The following CRPPA variants were observed in gnomAD, a reference collection of about 807,000 sequenced individuals.
The protein encoded by CRPPA is D-ribitol-5-phosphate cytidylyltransferase.
A neutral mutation model predicts 52.0 loss-of-function variants in CRPPA; 43 were observed. That is an observed-to-expected ratio of 0.83 (90% CI 0.65 to 1.07). The LOEUF (loss-of-function observed/expected upper bound fraction) is 1.07. CRPPA is among the 50% of genes least tolerant of loss of function. The probability of loss-of-function intolerance (pLI) is 0.00; values close to 1 mark genes in which losing one functional copy is unlikely to be tolerated. For missense variants in CRPPA, 629 were observed against 551.7 expected (o/e 1.14, Z -1.40); for synonymous variants, 250 against 203.5 (o/e 1.23, Z -1.94).
At chr7:16,375,950 C>A (rs1786868627) in intron 3 of CRPPA, 142 bp downstream of exon 3, 5 of 786,208 alleles carry the variant, frequency 6.4e-6, no homozygotes, top group South Asian at 4.3e-5. Flanking sequence ...AGCTCTATAA[C>A]CTTAATACTT....
intron 9 of CRPPA, among the ~76,000 whole-genome samples, chr7:16,200,556 A>G (rs1313478454): frequency 6.6e-6 from 1 of 152,224 alleles, no homozygotes; most frequent in African/African-American, 2.4e-5. Flanking sequence ...AATTAAAAAT[A>G]TATGTTGCTG....
rs1009533707 is a variant in CRPPA at position 16,089,182 on chromosome 7, A to G, written c.*2513T>C. ...TAAAAATACATATATACGTACGTAT[A>G]TACATATATGTGTGTATATACGTAC... On this transcript the variant is annotated 3_prime_UTR_variant, in exon 10 of 10. Coordinates refer to ENST00000407010, the MANE Select transcript of CRPPA (RefSeq NM_001101426.4). 3 of 321,200 alleles carry G rather than the reference A, an allele frequency of 9.3e-6. No homozygotes were observed. The highest frequency in any genetic ancestry group is 2.1e-5 in the Non-Finnish European group (3 of 141,180). The allele number at this position is 321,200 out of a possible 1,614,324, so 19.9% of individuals were successfully genotyped here.
chr7:16,296,563 T>G (rs889642559), intron 5 of CRPPA, among the ~76,000 whole-genome samples: 1 of 151,874 alleles, frequency 6.6e-6, no homozygotes, highest in Non-Finnish European at 1.5e-5. Context: ...AACTGTTATT[T>G]GAGAGAAAAA....
intron 9 of CRPPA, among the ~76,000 whole-genome samples, chr7:16,178,716 A>T (rs2128387043): frequency 6.6e-6 from 1 of 152,246 alleles, no homozygotes; most frequent in East Asian, 1.9e-4. Context: ...TGGATACATA[A>T]AAACATTCAA....
chr7:16,205,755 C>G (rs1781960191), intron 9 of CRPPA, among the ~76,000 whole-genome samples: 1 of 149,400 alleles, frequency 6.7e-6, no homozygotes, highest in Non-Finnish European at 1.5e-5. Flanking sequence ...AAATTACAAG[C>G]AAATGTCTGC....
intron 3 of CRPPA, among the ~76,000 whole-genome samples, chr7:16,325,722 G>A (rs1295869478): frequency 6.6e-6 from 1 of 151,960 alleles, no homozygotes; most frequent in African/African-American, 2.4e-5. Context: ...TCTCCATAAT[G>A]GCTCATCATC....
chr7:16,247,529 A>G (rs544596441), intron 8 of CRPPA, among the ~76,000 whole-genome samples: 22 of 152,358 alleles, frequency 1.4e-4, no homozygotes, highest in African/African-American at 5.3e-4. Flanking sequence ...TAATAGTAAT[A>G]TAAGAGATCA....
rs12533099 is a variant in CRPPA, at chr7:16,298,954, G to A, written c.835+2467C>T. On this transcript the variant is annotated intron_variant, in intron 5 of 9. Coordinates refer to ENST00000407010, the MANE Select transcript of CRPPA (RefSeq NM_001101426.4). ...TTCTCAGGCCTTTGGGTTTGTACTG[G>A]AACTCTACCACTGGCTTTCCTGGGC... Among the ~76,000 whole-genome samples, 387 of 152,300 alleles carry A rather than the reference G, an allele frequency of 2.5e-3. 1 individual carries two copies. The highest frequency in any genetic ancestry group is 3.1e-3 in the Non-Finnish European group (208 of 68,024).
intron 8 of CRPPA, among the ~76,000 whole-genome samples, chr7:16,217,227 G>A (rs1782354299): frequency 6.9e-6 from 1 of 145,978 alleles, no homozygotes; most frequent in Non-Finnish European, 1.5e-5. Context: ...TGCAGCTGAG[G>A]GTCCTGTCTG....
chr7:16,247,072 A>G (rs993680277), intron 8 of CRPPA, among the ~76,000 whole-genome samples: 2 of 152,248 alleles, frequency 1.3e-5, no homozygotes, highest in South Asian at 4.1e-4. Flanking sequence ...TTCATCAATT[A>G]TCTCAGCTAG....
intron 6 of CRPPA, among the ~76,000 whole-genome samples, chr7:16,274,346 C>T (rs1784159746): frequency 6.6e-6 from 1 of 152,106 alleles, no homozygotes; most frequent in African/African-American, 2.4e-5. Context: ...CACACCCGGC[C>T]TGTTGTGGCT....
chr7:16,158,236 A>T (rs7777150), intron 9 of CRPPA, among the ~76,000 whole-genome samples: 71,921 of 151,726 alleles, frequency 0.47, 17,694 homozygotes, highest in East Asian at 0.77. Context: ...AATCACCTAT[A>T]TTATGAGGCC....
At chr7:16,154,394 T>C (rs1271233535) in intron 9 of CRPPA, among the ~76,000 whole-genome samples, 1 of 152,076 alleles carries the variant, frequency 6.6e-6, no homozygotes, top group East Asian at 1.9e-4. Context: ...CCTCTCTGTG[T>C]CCATGTGTTC....
At chr7:16,397,405 C>T (rs375215998) in intron 2 of CRPPA, among the ~76,000 whole-genome samples, 41 of 152,278 alleles carry the variant, frequency 2.7e-4, no homozygotes, top group Admixed American at 6.5e-4. Flanking sequence ...ACAACTGACA[C>T]GTAATGGACA....
At chr7:16,417,184 C>A (rs1410028953) in intron 1 of CRPPA, among the ~76,000 whole-genome samples, 1 of 152,142 alleles carries the variant, frequency 6.6e-6, no homozygotes, top group Non-Finnish European at 1.5e-5. Flanking sequence ...AACACTTATA[C>A]ACTGTTACTG....
intron 8 of CRPPA, among the ~76,000 whole-genome samples, chr7:16,217,781 T>C (rs1463651674): frequency 2.0e-5 from 3 of 149,110 alleles, no homozygotes; most frequent in South Asian, 2.2e-4. Context: ...CCAAGAAATA[T>C]GGGACTATGT....
chr7:16,302,821 C>A (rs1488404701), intron 4 of CRPPA, among the ~76,000 whole-genome samples: 1 of 148,378 alleles, frequency 6.7e-6, no homozygotes, highest in African/African-American at 2.4e-5. Context: ...TCTTTCTCAT[C>A]ACTACAGGAC....
At chr7:16,121,571 C>G (rs1054778700) in intron 9 of CRPPA, among the ~76,000 whole-genome samples, 3 of 151,948 alleles carry the variant, frequency 2.0e-5, no homozygotes, top group African/African-American at 7.3e-5. Context: ...AGTAAGCGTT[C>G]TTTTTTAGTG....
At chr7:16,182,580 G>A (rs1387915175) in intron 9 of CRPPA, among the ~76,000 whole-genome samples, 3 of 149,740 alleles carry the variant, frequency 2.0e-5, no homozygotes, top group Non-Finnish European at 3.0e-5. Context: ...TAAGAACGAG[G>A]AACCTAGATA....
Sources: gnomAD v4.1 joint callset for allele counts (sites outside exome capture counted in the v4.1 genomes callset) on GRCh38, gnomAD v4.1.1 for gene constraint, MANE v1.5 for transcripts, NCBI Gene and HGNC (gene_info 2026-07-23, HGNC 2026-07-21) for gene names.